PDE4D: variants seen among roughly 807,000 people sequenced by gnomAD.
PDE4D encodes 3',5'-cyclic-AMP phosphodiesterase 4D.
PDE4D carries 24 observed loss-of-function variants against 87.4 expected under a neutral mutation model. That is an observed-to-expected ratio of 0.27 (90% CI 0.20 to 0.39). PDE4D has a LOEUF of 0.39. Among genes scored for constraint, PDE4D ranks in the 10% least tolerant of loss-of-function variants. PDE4D has a pLI of 1.00. For synonymous variants in PDE4D, 384 were observed against 383.2 expected (o/e 1.00, Z -0.02); for missense variants, 714 against 1,041.0 (o/e 0.69, Z 4.32).
intron 1 of PDE4D, among the ~76,000 whole-genome samples, chr5:59,623,068 C>G (rs956099415): frequency 6.6e-6 from 1 of 152,144 alleles, no homozygotes; most frequent in Non-Finnish European, 1.5e-5. Flanking sequence ...TAAACACTAA[C>G]CTTATTAAAT....
At chr5:60,384,570 C>T (rs951425590) in intron 1 of PDE4D, among the ~76,000 whole-genome samples, 1 of 152,172 alleles carries the variant, frequency 6.6e-6, no homozygotes, top group Non-Finnish European at 1.5e-5. Context: ...CCTTTCTTGG[C>T]TTCTACGACA....
intron 1 of PDE4D, among the ~76,000 whole-genome samples, chr5:60,399,944 C>A (rs1464009780): frequency 3.3e-5 from 5 of 152,214 alleles, no homozygotes; most frequent in Admixed American, 1.3e-4. Context: ...CAATTGCTTG[C>A]CTTGAAGATC....
chr5:59,708,278 G>C (rs1325233930), intron 1 of PDE4D, among the ~76,000 whole-genome samples: 1 of 151,976 alleles, frequency 6.6e-6, no homozygotes, highest in East Asian at 1.9e-4. Context: ...GTCTGTTCAT[G>C]TCCTCTCAAA....
At chr5:59,179,069 T>C (rs543601973) in intron 5 of PDE4D, among the ~76,000 whole-genome samples, 1 of 152,282 alleles carries the variant, frequency 6.6e-6, no homozygotes, top group South Asian at 2.1e-4. Flanking sequence ...TTACTCAAAG[T>C]ATTTATTTTA....
At chr5:59,446,400 T>A (rs917418182) in intron 1 of PDE4D, among the ~76,000 whole-genome samples, 8 of 152,306 alleles carry the variant, frequency 5.3e-5, no homozygotes, top group Non-Finnish European at 1.2e-4. Context: ...TTTTTGACAT[T>A]CTCTTTGGGA....
chr5:59,998,889 C>T (rs915568958), intron 2 of PDE4D, among the ~76,000 whole-genome samples: 3 of 151,878 alleles, frequency 2.0e-5, no homozygotes, highest in African/African-American at 7.3e-5. Context: ...GGGAAGAGAA[C>T]AATTATATAA....
intron 6 of PDE4D, among the ~76,000 whole-genome samples, chr5:59,029,660 CT>C (rs70973180): frequency 4.0e-5 from 6 of 150,444 alleles, no homozygotes; most frequent in Non-Finnish European, 5.9e-5. Flanking sequence ...ATTCCAATGT[CT>C]TTTTTTTTCA....
At chr5:59,554,788 G>C (rs1038910031) in intron 1 of PDE4D, among the ~76,000 whole-genome samples, 1 of 152,130 alleles carries the variant, frequency 6.6e-6, no homozygotes, top group African/African-American at 2.4e-5. Flanking sequence ...AGAGGCTTTA[G>C]GGCCCTTTTC....
intron 1 of PDE4D, among the ~76,000 whole-genome samples, chr5:59,301,221 A>C (rs2153560308): frequency 6.6e-6 from 1 of 152,212 alleles, no homozygotes; most frequent in East Asian, 2.0e-4. Flanking sequence ...AGGTGAAAGG[A>C]GAGAAGGAGA....
chr5:59,694,343 T>C (rs1444098067), intron 1 of PDE4D, among the ~76,000 whole-genome samples: 1 of 152,150 alleles, frequency 6.6e-6, no homozygotes, highest in African/African-American at 2.4e-5. Context: ...CAGCTTGAAG[T>C]GAAGTCAGTA....
At chr5:60,243,119 T>C (rs1207791537) in intron 1 of PDE4D, among the ~76,000 whole-genome samples, 5 of 151,562 alleles carry the variant, frequency 3.3e-5, no homozygotes, top group African/African-American at 1.2e-4. Context: ...ATAAATAAAA[T>C]AGAGATGAAA....
At chr5:59,962,716 G>T (rs1259982493) in intron 3 of PDE4D, among the ~76,000 whole-genome samples, 1 of 152,042 alleles carries the variant, frequency 6.6e-6, no homozygotes, top group East Asian at 1.9e-4. Context: ...AGAATATTTA[G>T]CCAAGCATAG....
intron 1 of PDE4D, among the ~76,000 whole-genome samples, chr5:59,749,229 G>A (rs111520516): frequency 3.8e-4 from 58 of 152,218 alleles, no homozygotes; most frequent in Non-Finnish European, 6.3e-4. Context: ...CCTATGAGCA[G>A]CATCTGCCAC....
intron 2 of PDE4D, among the ~76,000 whole-genome samples, chr5:60,018,701 C>A (rs780855983): frequency 2.6e-5 from 4 of 151,852 alleles, no homozygotes; most frequent in Non-Finnish European, 5.9e-5. Flanking sequence ...TAGTTTCTGA[C>A]AAAACAGATT....
At chr5:59,911,874 G>T (rs1215462887) in intron 3 of PDE4D, among the ~76,000 whole-genome samples, 2 of 152,094 alleles carry the variant, frequency 1.3e-5, no homozygotes, top group African/African-American at 4.8e-5. Flanking sequence ...AATGCACTTA[G>T]TTTCTATGAC....
chr5:59,390,323 C>T (rs758228840), intron 1 of PDE4D, among the ~76,000 whole-genome samples: 136 of 152,118 alleles, frequency 8.9e-4, no homozygotes, highest in Non-Finnish European at 1.1e-3. Context: ...GTGTTCTCTT[C>T]CCTGAAAAAT....
chr5:59,000,013 T>A, intron 6 of PDE4D: 1 of 680,974 alleles, frequency 1.5e-6, no homozygotes, highest in Non-Finnish European at 1.8e-6. Context: ...GCTCTTAGCC[T>A]ATAAGGCGAG....
At chr5:60,117,891 A>G (rs964256017) in intron 2 of PDE4D, among the ~76,000 whole-genome samples, 27 of 151,720 alleles carry the variant, frequency 1.8e-4, no homozygotes, top group African/African-American at 6.3e-4. Context: ...TTCATCTCTT[A>G]ATCATTTCTT....
rs1302903886 is a variant in PDE4D, at chr5:60,263,019, T to C, written c.-89-77332A>G. Among the ~76,000 whole-genome samples the C allele has an allele frequency of 2.0e-4, 30 of 152,184 alleles. 1 individual carries two copies. The highest frequency in any genetic ancestry group is 8.8e-5 in the Non-Finnish European group (6 of 68,030). ...CTACATATTATAAACAAAAACTCAGTCTTCACGATTGACAGCTTCTCATGG... is the reference window on the plus strand; with the variant it reads ...CTACATATTATAAACAAAAACTCAGCCTTCACGATTGACAGCTTCTCATGG... On this transcript the variant is annotated intron_variant, in intron 1 of 16. Transcript: ENST00000502484.
Sources: allele counts gnomAD v4.1 joint callset (sites outside exome capture counted in the v4.1 genomes callset), GRCh38; gene constraint gnomAD v4.1.1; transcripts MANE v1.5; gene names NCBI Gene and HGNC (gene_info 2026-07-23, HGNC 2026-07-21).